Variants in XPNPEP1 observed in about 807,000 individuals in gnomAD.
The protein encoded by XPNPEP1 is xaa-Pro aminopeptidase 1.
XPNPEP1 carries 39 observed loss-of-function variants against 92.4 expected under a neutral mutation model. That is an observed-to-expected ratio of 0.42 (90% confidence interval 0.33 to 0.55). The LOEUF is 0.55. XPNPEP1 is among the 20% of genes least tolerant of loss of function. XPNPEP1 has a pLI of 0.08. For missense variants in XPNPEP1, 654 were observed against 856.1 expected (o/e 0.76, Z 2.95); for synonymous variants, 307 against 299.4 (o/e 1.03, Z -0.26).
At chr10:109,881,042 G>A in intron 10 of XPNPEP1, 111 bp from the exon 11 acceptor site, 2 of 1,007,408 alleles carry the variant, frequency 2.0e-6, no homozygotes, top group Non-Finnish European at 2.9e-6. Context: ...CATTTGAAGA[G>A]CTCCCACTGG....
intron 19 of XPNPEP1, 74 bp from the exon 20 acceptor site, chr10:109,868,786 A>G (rs1019442339): frequency 2.1e-6 from 3 of 1,396,870 alleles, no homozygotes; most frequent in Admixed American, 1.7e-5. Context: ...TCATTCCACC[A>G]GCATGCCATC....
chr10:109,902,319 C>A (rs1402687026), intron 3 of XPNPEP1, among the ~76,000 whole-genome samples: 3 of 152,258 alleles, frequency 2.0e-5, no homozygotes, highest in South Asian at 2.1e-4. Flanking sequence ...ATAGCCCATG[C>A]GGTACATACC....
At chr10:109,920,197 A>G (rs1342852363) in intron 1 of XPNPEP1, among the ~76,000 whole-genome samples, 1 of 152,220 alleles carries the variant, frequency 6.6e-6, no homozygotes. Flanking sequence ...GGAAGTAGAC[A>G]TGCAGTGTTG....
Position 109,871,839 on chromosome 10 carries a change from T to A in XPNPEP1, c.1475A>T (p.Lys492Met). The A allele has an allele frequency of 6.2e-7, 1 of 1,614,184 alleles. No individual in the cohort carries two copies. Residue 492 changes from lysine to methionine, a missense_variant, in exon 17 of 21, where the codon AAG (lysine) becomes ATG (methionine). By Grantham distance (95) the Lys-to-Met change is moderately conservative (BLOSUM62 -1). Coordinates refer to ENST00000502935, the MANE Select transcript of XPNPEP1 (RefSeq NM_020383.4). ...YEKECFTYVL[K>M]GHIAVSAAVF... ...GGCTGCACTCACAGCTATGTGGCCC[T>A]TGAGGACATATGTGAAGCATTCCTG... is the stretch of plus-strand genomic sequence containing the variant.
intron 5 of XPNPEP1, among the ~76,000 whole-genome samples, chr10:109,889,754 A>G (rs1165119907): frequency 6.6e-6 from 1 of 152,260 alleles, no homozygotes; most frequent in Non-Finnish European, 1.5e-5. Context: ...CACATATTCT[A>G]AAACAGTAGA....
intron 10 of XPNPEP1, among the ~76,000 whole-genome samples, chr10:109,882,217 A>G (rs750819247): frequency 2.0e-5 from 3 of 152,242 alleles, no homozygotes; most frequent in Non-Finnish European, 4.4e-5. Context: ...TACCACCTAA[A>G]ATAATCTCTC....
chr10:109,919,883 T>C (rs1188248589), intron 1 of XPNPEP1, among the ~76,000 whole-genome samples: 7 of 151,982 alleles, frequency 4.6e-5, no homozygotes, highest in Non-Finnish European at 1.0e-4. Flanking sequence ...AATACAAAAA[T>C]TAGCTGGGTG....
At chr10:109,914,784 C>T (rs1433175525) in intron 2 of XPNPEP1, among the ~76,000 whole-genome samples, 6 of 124,156 alleles carry the variant, frequency 4.8e-5, no homozygotes, top group South Asian at 2.6e-4. Flanking sequence ...TGACCAAGGG[C>T]GAGACTCCGT....
In XPNPEP1 at chr10:109,865,331, C is replaced by A; in HGVS notation, c.1873-19G>T. The A allele has an allele frequency of 6.2e-7, 1 of 1,614,026 alleles. No homozygotes were observed. The highest frequency in any genetic ancestry group is 8.5e-7 in the Non-Finnish European group (1 of 1,180,004). ...AGTCGCACTGCAGGGAAGAGAAGGA[C>A]AGACACGGTATTCACCACTACATCT... On this transcript the variant is annotated intron_variant, in intron 20 of 20. Transcript: ENST00000502935.
At chr10:109,875,066 C>T (rs1847704360) in intron 15 of XPNPEP1, among the ~76,000 whole-genome samples, 1 of 152,124 alleles carries the variant, frequency 6.6e-6, no homozygotes, top group African/African-American at 2.4e-5. Flanking sequence ...AAACTTTGTT[C>T]CAGAGATGAT....
intron 5 of XPNPEP1, among the ~76,000 whole-genome samples, chr10:109,890,053 C>G (rs1201991733): frequency 6.6e-6 from 1 of 152,044 alleles, no homozygotes; most frequent in African/African-American, 2.4e-5. Context: ...TCGGCAAAAC[C>G]CCAGGGATGA....
intron 7 of XPNPEP1, among the ~76,000 whole-genome samples, chr10:109,887,560 G>A (rs2133425830): frequency 6.6e-6 from 1 of 152,112 alleles, no homozygotes; most frequent in South Asian, 2.1e-4. Flanking sequence ...TCCACACAAT[G>A]GTTCAGAGAA....
chr10:109,889,543 T>C (rs918243315), intron 5 of XPNPEP1, among the ~76,000 whole-genome samples: 1 of 152,232 alleles, frequency 6.6e-6, no homozygotes, highest in Non-Finnish European at 1.5e-5. Flanking sequence ...TTTCTGTTTC[T>C]AAGACGCTAG....
chr10:109,920,409 A>G (rs1408241181), intron 1 of XPNPEP1, among the ~76,000 whole-genome samples: 2 of 152,274 alleles, frequency 1.3e-5, no homozygotes, highest in Admixed American at 6.5e-5. Context: ...ATTTTATAAC[A>G]TCTCTTTCTT....
intron 7 of XPNPEP1, 94 bp from the exon 8 acceptor site, chr10:109,886,435 A>G (rs2133420395): frequency 8.7e-7 from 1 of 1,143,756 alleles, no homozygotes; most frequent in East Asian, 2.6e-5. Flanking sequence ...TTTAATCAGC[A>G]CCATTTCTTA....
intron 1 of XPNPEP1, among the ~76,000 whole-genome samples, chr10:109,921,297 C>G (rs1191969464): frequency 6.6e-6 from 1 of 152,204 alleles, no homozygotes; most frequent in Non-Finnish European, 1.5e-5. Context: ...CTAGAACCAG[C>G]GTTCCAGCCT....
chr10:109,874,742 G>A (rs1202571866), intron 15 of XPNPEP1, among the ~76,000 whole-genome samples: 1 of 152,204 alleles, frequency 6.6e-6, no homozygotes, highest in Non-Finnish European at 1.5e-5. Flanking sequence ...GAGGTCAGGA[G>A]ATCGAGACCA....
chr10:109,876,971 T>C (rs1847819353), intron 14 of XPNPEP1: 1 of 152,108 alleles, frequency 6.6e-6, no homozygotes, highest in Non-Finnish European at 1.5e-5. Flanking sequence ...GACCACGTGG[T>C]AAAAAAACCA....
Position 109,873,594 on chromosome 10 carries a change from T to C in XPNPEP1, c.1392-167A>G. 3 of 682,762 alleles carry C rather than the reference T, an allele frequency of 4.4e-6. No individual in the cohort carries two copies. In the Admixed American group the frequency reaches 7.5e-5, roughly 17 times the overall value. 42.3% of individuals were successfully genotyped at this position (682,762 alleles called of 1,614,324 possible). A position where few individuals can be genotyped will look rare whatever the true frequency, so the allele number is the denominator to read the frequency against. ...TCGCAGTTCCTTAAAAGGTTAAATA[T>C]AGTCACCATATGACCCAGTAATTCC... On this transcript the variant is annotated intron_variant, in intron 15 of 20. Transcript: ENST00000502935.
Sources: gnomAD v4.1 joint callset for allele counts (sites outside exome capture counted in the v4.1 genomes callset) on GRCh38, gnomAD v4.1.1 for gene constraint, MANE v1.5 for transcripts, NCBI Gene and HGNC (gene_info 2026-07-23, HGNC 2026-07-21) for gene names.